FBXO16: variants seen among roughly 807,000 people sequenced by gnomAD.
FBXO16 encodes the protein F-box only protein 16.
FBXO16 carries 31 observed loss-of-function variants against 41.0 expected under a neutral mutation model. The ratio of observed to expected loss-of-function variants is 0.76; its 90% CI spans 0.57 to 1.02. The LOEUF (loss-of-function observed/expected upper bound fraction) is 1.02. FBXO16 is among the 50% of genes least tolerant of loss of function. The probability of loss-of-function intolerance (pLI) is 0.00; values close to 1 mark genes in which losing one functional copy is unlikely to be tolerated. For synonymous variants in FBXO16, 133 were observed against 117.8 expected (o/e 1.13, Z -0.84); for missense variants, 361 against 346.2 (o/e 1.04, Z -0.34).
chr8:28,439,297 T>C (rs1336583674), intron 7 of FBXO16, among the ~76,000 whole-genome samples: 1 of 152,100 alleles, frequency 6.6e-6, no homozygotes, highest in Non-Finnish European at 1.5e-5. Flanking sequence ...AGAGCCCAGG[T>C]CTGTCTGACT....
chr8:28,470,162 C>T (rs1260637737), intron 3 of FBXO16, among the ~76,000 whole-genome samples: 1 of 151,840 alleles, frequency 6.6e-6, no homozygotes, highest in East Asian at 1.9e-4. Context: ...CCACTGCACT[C>T]CAGCCTGGGC....
chr8:28,466,692 G>A (rs1803248542), intron 3 of FBXO16, among the ~76,000 whole-genome samples: 1 of 152,104 alleles, frequency 6.6e-6, no homozygotes, highest in Admixed American at 6.6e-5. Context: ...TTACATGGGA[G>A]GCTGAAGCAG....
In FBXO16 at chr8:28,428,638, T is replaced by A. The variant is rs1259302158; in HGVS notation, c.*89A>T. ...GCCTGTGAGGATGCTGCATGAGAAT[T>A]TCAGCTGTGGTGGCAGTGTCTGGGA... On this transcript the variant is annotated 3_prime_UTR_variant, in exon 9 of 9. Coordinates refer to ENST00000380254, the MANE Select transcript of FBXO16 (RefSeq NM_172366.4). 1 of 1,555,074 alleles carries A rather than the reference T, an allele frequency of 6.4e-7. No homozygotes were observed.
chr8:28,447,798 A>G (rs1348718207), intron 6 of FBXO16, among the ~76,000 whole-genome samples: 4 of 152,094 alleles, frequency 2.6e-5, no homozygotes, highest in Non-Finnish European at 4.4e-5. Flanking sequence ...TACTAAAAAT[A>G]CAAAAATTAG....
At chr8:28,429,289 C>T in intron 8 of FBXO16, 89 bp downstream of exon 8, 1 of 1,455,608 alleles carries the variant, frequency 6.9e-7, no homozygotes. Context: ...AGCCTGTTCC[C>T]ATAATTTACA....
intron 6 of FBXO16, among the ~76,000 whole-genome samples, chr8:28,448,355 A>G (rs572316543): frequency 6.6e-6 from 1 of 151,472 alleles, no homozygotes; most frequent in African/African-American, 2.4e-5. Flanking sequence ...AAAAAAAAAA[A>G]AAAAAGAAAG....
At chr8:28,458,415 G>A (rs986860277) in intron 4 of FBXO16, among the ~76,000 whole-genome samples, 8 of 151,886 alleles carry the variant, frequency 5.3e-5, no homozygotes, top group African/African-American at 9.7e-5. Flanking sequence ...ACCCAGAAAC[G>A]AAACAACACC....
intron 3 of FBXO16, among the ~76,000 whole-genome samples, chr8:28,464,329 G>A (rs1803197139): frequency 6.6e-6 from 1 of 152,192 alleles, no homozygotes; most frequent in Non-Finnish European, 1.5e-5. Flanking sequence ...TGGAGAGGAT[G>A]TGTTGATAAA....
rs565560859 is a variant in FBXO16 at position 28,442,367 on chromosome 8, G to A, written c.843+4804C>T. Among the ~76,000 whole-genome samples, 3 of 151,834 alleles carry A rather than the reference G, an allele frequency of 2.0e-5. No individual in the cohort carries two copies. In the East Asian group the frequency reaches 5.9e-4, roughly 30 times the overall value. ...AAAACTGTAAAGGATTAGCAATCAG[G>A]TCTAAGCTTTATTCCCATCTTTTTT... On this transcript the variant is annotated intron_variant, in intron 7 of 8. Transcript: ENST00000380254.
intron 2 of FBXO16, among the ~76,000 whole-genome samples, chr8:28,480,553 G>A (rs982187978): frequency 6.6e-6 from 1 of 151,110 alleles, no homozygotes; most frequent in Non-Finnish European, 1.5e-5. Context: ...CCCAGGCACT[G>A]AGTGTAGTGG....
At chr8:28,472,741 G>A (rs575632833) in intron 3 of FBXO16, among the ~76,000 whole-genome samples, 9 of 152,112 alleles carry the variant, frequency 5.9e-5, no homozygotes, top group East Asian at 3.9e-4. Context: ...GCAAAACTCC[G>A]TCTCAAAAAA....
chr8:28,474,350 A>G (rs1375768989), intron 2 of FBXO16, among the ~76,000 whole-genome samples: 67 of 144,226 alleles, frequency 4.6e-4, no homozygotes, highest in African/African-American at 1.4e-3. Flanking sequence ...AAAAAAAAAA[A>G]AAAGAGAGAG....
chr8:28,469,848 C>T (rs1346261187), intron 3 of FBXO16, among the ~76,000 whole-genome samples: 3 of 151,856 alleles, frequency 2.0e-5, no homozygotes, highest in Non-Finnish European at 4.4e-5. Flanking sequence ...TTGCAGTGAG[C>T]CGAGATCGCG....
chr8:28,464,633 A>G (rs1803202626), intron 3 of FBXO16, among the ~76,000 whole-genome samples: 1 of 152,182 alleles, frequency 6.6e-6, no homozygotes, highest in South Asian at 2.1e-4. Flanking sequence ...CATTTCACAT[A>G]TATTCAGTAC....
At chr8:28,462,274 CTTCTTTT>C (rs1421947151) in intron 4 of FBXO16, among the ~76,000 whole-genome samples, 2 of 135,678 alleles carry the variant, frequency 1.5e-5, no homozygotes, top group African/African-American at 6.0e-5. Context: ...TCTTCTTCTT[CTTCTTTT>C]TTTTTTTTTT....
At chr8:28,469,423 G>A (rs760758492) in intron 3 of FBXO16, among the ~76,000 whole-genome samples, 7 of 152,084 alleles carry the variant, frequency 4.6e-5, no homozygotes, top group Non-Finnish European at 4.4e-5. Flanking sequence ...CTTCAAACTC[G>A]TGGGCTCAAG....
At chr8:28,475,518 A>C (rs779842558) in intron 2 of FBXO16, among the ~76,000 whole-genome samples, 55 of 152,254 alleles carry the variant, frequency 3.6e-4, no homozygotes, top group Non-Finnish European at 7.5e-4. Flanking sequence ...GATTCAAAGT[A>C]TCTGGATTCA....
intron 2 of FBXO16, among the ~76,000 whole-genome samples, chr8:28,481,769 C>T (rs1186297568): frequency 2.0e-5 from 3 of 147,596 alleles, no homozygotes; most frequent in Non-Finnish European, 4.5e-5. Context: ...GAGATCGCAC[C>T]ACTGCACTCC....
intron 7 of FBXO16, among the ~76,000 whole-genome samples, chr8:28,439,883 G>A (rs538536053): frequency 6.6e-6 from 1 of 151,554 alleles, no homozygotes; most frequent in Non-Finnish European, 1.5e-5. Context: ...CTTCTGTTTT[G>A]GTTCATTATA....
Sources: allele counts gnomAD v4.1 joint callset (sites outside exome capture counted in the v4.1 genomes callset), GRCh38; gene constraint gnomAD v4.1.1; transcripts MANE v1.5; gene names NCBI Gene and HGNC (gene_info 2026-07-23, HGNC 2026-07-21).